FOXP1: variants seen among roughly 807,000 people sequenced by gnomAD.
The protein encoded by FOXP1 is forkhead box protein P1.
Under a neutral mutation model 98.2 loss-of-function variants are expected in FOXP1, and 15 were observed. The ratio of observed to expected loss-of-function variants is 0.15; its 90% CI spans 0.10 to 0.24. FOXP1 has a LOEUF of 0.24. Ranked by LOEUF, FOXP1 falls within the 10% of genes least tolerant of loss-of-function variation. The pLI, the probability that FOXP1 is intolerant of heterozygous loss-of-function variation, is 1.00. For synonymous variants in FOXP1, 371 were observed against 314.5 expected (o/e 1.18, Z -1.90); for missense variants, 633 against 848.5 (o/e 0.75, Z 3.15).
At chr3:71,487,811 A>G (rs1476551565) in intron 3 of FOXP1, among the ~76,000 whole-genome samples, 1 of 152,252 alleles carries the variant, frequency 6.6e-6, no homozygotes, top group East Asian at 1.9e-4. Flanking sequence ...CTTAGAGAGG[A>G]ATGGAAAATA....
At chr3:70,972,716 TAAGAA>T (rs972215945) in intron 17 of FOXP1, 40 bp from the exon 18 acceptor site, 2 of 1,608,374 alleles carry the variant, frequency 1.2e-6, no homozygotes, top group African/African-American at 1.3e-5. Context: ...ACATTTTCTA[TAAGAA>T]AAGACTCCAA....
Position 71,356,024 on chromosome 3 carries a change from G to A in FOXP1, c.-73+3126C>T, listed in dbSNP as rs1044148341. The stretch of plus-strand genomic sequence containing the variant: ...AGGGCCATTCCCAAGAGGATCTGTG[G>A]GGGACTAGGACCTGCTTTGCCGAGT... On this transcript the variant is annotated intron_variant, in intron 4 of 20. Transcript: ENST00000649528. Among the ~76,000 whole-genome samples, 17 of 152,038 alleles carry A rather than the reference G, an allele frequency of 1.1e-4. No individual in the cohort carries two copies. In the East Asian group the frequency reaches 3.1e-3, roughly 28 times the overall value.
intron 11 of FOXP1, among the ~76,000 whole-genome samples, chr3:71,023,028 C>T (rs1262815699): frequency 1.3e-5 from 2 of 152,294 alleles, no homozygotes; most frequent in African/African-American, 4.8e-5. Flanking sequence ...CCAAAAGGCA[C>T]TATGCATCCC....
rs2031795675 is a variant in FOXP1 at position 70,956,416 on chromosome 3, T to C, written c.*2831A>G. 3.0e-5 allele frequency: 3 copies of C among 98,924 alleles called. No individual in the cohort carries two copies. The highest frequency in any genetic ancestry group is 1.1e-4 in the Admixed American group (1 of 9,198). The allele number at this position is 98,924 out of a possible 1,614,324, so 6.1% of individuals were successfully genotyped here. On this transcript the variant is annotated 3_prime_UTR_variant, in exon 21 of 21. Coordinates refer to ENST00000649528, the MANE Select transcript of FOXP1 (RefSeq NM_001349338.3). ...AAAGATATGTAAAATCTAATTTTTC[T>C]TTTTTTTTTTTTTTTGCTACAGTCT...
chr3:71,213,793 G>T (rs1272148543), intron 5 of FOXP1, among the ~76,000 whole-genome samples: 1 of 152,104 alleles, frequency 6.6e-6, no homozygotes, highest in Admixed American at 6.5e-5. Flanking sequence ...TCCAGCCTGG[G>T]CGACAGAGCA....
Position 71,384,197 on chromosome 3 carries a change from G to C in FOXP1, c.-167-24953C>G, listed in dbSNP as rs545017218. On this transcript the variant is annotated intron_variant, in intron 3 of 20. Transcript: ENST00000649528. The stretch of plus-strand genomic sequence containing the variant: ...ATCGCCCGTTGCAATCTGGGCAACA[G>C]AGTGGGACTCCGTCTCAGCAAAACA... Among the ~76,000 whole-genome samples, 11 of 152,288 alleles carry C rather than the reference G, an allele frequency of 7.2e-5. No homozygotes were observed. The South Asian group carries it at 1.9e-3, about 26-fold the overall frequency.
intron 6 of FOXP1, among the ~76,000 whole-genome samples, chr3:71,184,931 G>A (rs1178401252): frequency 6.6e-6 from 1 of 152,232 alleles, no homozygotes; most frequent in South Asian, 2.1e-4. Context: ...GGTGGCTCAC[G>A]CCTGTAATCC....
chr3:71,137,863 G>A (rs2059898523), intron 6 of FOXP1, among the ~76,000 whole-genome samples: 1 of 151,060 alleles, frequency 6.6e-6, no homozygotes, highest in South Asian at 2.1e-4. Context: ...TTCTATACAA[G>A]TTGTGCCTTC....
At chr3:71,153,926 C>G (rs1560031336) in intron 6 of FOXP1, among the ~76,000 whole-genome samples, 1 of 152,142 alleles carries the variant, frequency 6.6e-6, no homozygotes, top group African/African-American at 2.4e-5. Context: ...CTACTATACA[C>G]ATATGACACG....
intron 5 of FOXP1, among the ~76,000 whole-genome samples, chr3:71,235,070 A>G (rs1230840956): frequency 6.6e-6 from 1 of 151,988 alleles, no homozygotes; most frequent in Admixed American, 6.6e-5. Flanking sequence ...TTAATGGACA[A>G]TGTGACAGCT....
At chr3:70,974,760 GC>G (rs2037140690) in intron 17 of FOXP1, among the ~76,000 whole-genome samples, 1 of 152,158 alleles carries the variant, frequency 6.6e-6, no homozygotes, top group Non-Finnish European at 1.5e-5. Context: ...AGTCAACATT[GC>G]TCCTAATCCT....
At chr3:71,114,262 G>A (rs1400377495) in intron 6 of FOXP1, among the ~76,000 whole-genome samples, 2 of 152,142 alleles carry the variant, frequency 1.3e-5, no homozygotes, top group African/African-American at 2.4e-5. Flanking sequence ...AAAAGTTACA[G>A]GGACAATAGT....
intron 3 of FOXP1, among the ~76,000 whole-genome samples, chr3:71,433,561 G>A (rs544687731): frequency 6.6e-6 from 1 of 152,200 alleles, no homozygotes; most frequent in Non-Finnish European, 1.5e-5. Context: ...ATTGTGCAAG[G>A]GGGAAGGGTC....
intron 3 of FOXP1, among the ~76,000 whole-genome samples, chr3:71,477,207 G>A (rs1051652067): frequency 6.6e-6 from 1 of 152,100 alleles, no homozygotes; most frequent in Non-Finnish European, 1.5e-5. Context: ...AATGCTGCAG[G>A]CCTCCCAACC....
chr3:71,053,804 C>G (rs1452382750), intron 7 of FOXP1, 31 bp from the exon 8 acceptor site: 2 of 1,613,434 alleles, frequency 1.2e-6, no homozygotes, highest in Non-Finnish European at 1.7e-6. Flanking sequence ...AAATAGGAAG[C>G]CAGGAAATCA....
rs148188529 is a variant in FOXP1 at position 71,371,260 on chromosome 3, G to A, written c.-167-12016C>T. On this transcript the variant is annotated intron_variant, in intron 3 of 20. Transcript: ENST00000649528. Reference sequence around the variant, plus strand: ...TATTGGTGCGTAGCTGCATCTCACCGCCAGTTAGAAAAGGGTTTTCTCATT... The same window carrying A: ...TATTGGTGCGTAGCTGCATCTCACCACCAGTTAGAAAAGGGTTTTCTCATT... Among the ~76,000 whole-genome samples, 665 of 152,214 alleles carry A rather than the reference G, an allele frequency of 4.4e-3. 7 individuals carry two copies. Among genetic ancestry groups the A allele is most frequent in the African/African-American group, 0.015 (627 of 41,524 alleles).
intron 3 of FOXP1, among the ~76,000 whole-genome samples, chr3:71,364,013 A>T (rs1298316): frequency 1 from 152,281 of 152,314 alleles, 76,124 homozygotes; most frequent in Middle Eastern, 1. Context: ...CCACCGCTCC[A>T]GTCCCCCTCA....
chr3:71,100,511 C>T (rs1247523205), intron 7 of FOXP1, among the ~76,000 whole-genome samples: 1 of 152,114 alleles, frequency 6.6e-6, no homozygotes, highest in Non-Finnish European at 1.5e-5. Context: ...TGGTAGATAC[C>T]AATGGAAAAG....
intron 4 of FOXP1, among the ~76,000 whole-genome samples, chr3:71,328,903 G>A (rs572449796): frequency 1.0e-4 from 15 of 147,902 alleles, no homozygotes; most frequent in Admixed American, 7.5e-4. Flanking sequence ...CCCAGGAGGC[G>A]AAGGTTGTGG....
Sources: gnomAD v4.1 joint callset for allele counts (sites outside exome capture counted in the v4.1 genomes callset) on GRCh38, gnomAD v4.1.1 for gene constraint, MANE v1.5 for transcripts, NCBI Gene and HGNC (gene_info 2026-07-23, HGNC 2026-07-21) for gene names.